The following PRKACB variants were observed in gnomAD, a reference collection of about 807,000 sequenced individuals.
The protein encoded by PRKACB is cAMP-dependent protein kinase catalytic subunit beta.
Under a neutral mutation model 51.4 loss-of-function variants are expected in PRKACB, and 16 were observed. That is an observed-to-expected ratio of 0.31 (90% confidence interval 0.21 to 0.47). The LOEUF (loss-of-function observed/expected upper bound fraction) is 0.47, where lower values mean the gene tolerates loss of function less well. Among genes scored for constraint, PRKACB ranks in the 20% least tolerant of loss-of-function variants. The pLI, the probability that PRKACB is intolerant of heterozygous loss-of-function variation, is 1.00. For missense variants in PRKACB, 309 were observed against 464.5 expected, an observed-to-expected ratio of 0.67 and a Z score of 3.08; for synonymous variants, 147 against 154.4, an observed-to-expected ratio of 0.95 and a Z score of 0.35.
At position 84,085,968 on chromosome 1, in the gene PRKACB, C is replaced by T. The variant is rs367634448; in HGVS notation, c.46+7597C>T. ...CTGACTTTCAAGACCAACAGTGAGA[C>T]GCCAGTGCTTGTGGATTTCCACGCA... On this transcript the variant is annotated intron_variant, in intron 1 of 8. Coordinates refer to the PRKACB transcript ENST00000370688. 1.7e-3 allele frequency: 1,208 copies of T among 704,748 alleles called. 22 individuals carry two copies. The South Asian group carries it at 0.019, about 11-fold the overall frequency. The allele number at this position is 704,748 out of a possible 1,614,324, so 43.7% of individuals were successfully genotyped here.
rs1675775662 is a variant in PRKACB at position 84,232,047 on chromosome 1, T to C, written c.1072-3133T>C. ...ATTTTGGATCTTTCCTGCTTTCTCT[T>C]GTGGGCATTTAGTGCCATAAATTTC... On this transcript the variant is annotated intron_variant, in intron 9 of 9. Transcript: ENST00000370685. 3.9e-5 allele frequency among the ~76,000 whole-genome samples: 6 copies of C among 152,226 alleles called. 1 individual carries two copies. The South Asian group carries it at 1.3e-3, about 32-fold the overall frequency.
chr1:84,133,280 C>T (rs1197864548), intron 1 of PRKACB, among the ~76,000 whole-genome samples: 3 of 152,036 alleles, frequency 2.0e-5, no homozygotes, highest in African/African-American at 4.8e-5. Flanking sequence ...AATTATATAT[C>T]TGTGAAATTA....
chr1:84,079,242 G>A (rs1647336202), intron 1 of PRKACB, among the ~76,000 whole-genome samples: 1 of 152,116 alleles, frequency 6.6e-6, no homozygotes, highest in African/African-American at 2.4e-5. Flanking sequence ...AAGTTGGTTT[G>A]CCTTTGTAAA....
chr1:84,168,895 T>A (rs1442122774), intron 1 of PRKACB, among the ~76,000 whole-genome samples: 1 of 151,492 alleles, frequency 6.6e-6, no homozygotes, highest in South Asian at 2.1e-4. Context: ...TTTCCTGACA[T>A]AGAAGGCATC....
intron 1 of PRKACB, chr1:84,164,788 T>G: frequency 7.2e-7 from 1 of 1,382,670 alleles, no homozygotes; most frequent in Non-Finnish European, 9.3e-7. Context: ...GGCATTAATC[T>G]GATGTTTACT....
intron 1 of PRKACB, among the ~76,000 whole-genome samples, chr1:84,169,887 A>G (rs1188938438): frequency 6.6e-6 from 1 of 151,658 alleles, no homozygotes; most frequent in Non-Finnish European, 1.5e-5. Context: ...GCATCTTACA[A>G]TCTAACATGA....
At chr1:84,086,795 AG>A (rs1208955479) in intron 1 of PRKACB, among the ~76,000 whole-genome samples, 5 of 152,142 alleles carry the variant, frequency 3.3e-5, no homozygotes, top group African/African-American at 4.8e-5. Flanking sequence ...GCCCCCTCCC[AG>A]CTAGCCTCCC....
At chr1:84,163,554 A>AG (rs1217612947) in intron 1 of PRKACB, among the ~76,000 whole-genome samples, 1 of 151,862 alleles carries the variant, frequency 6.6e-6, no homozygotes, top group Non-Finnish European at 1.5e-5. Context: ...GACCAGCCCT[A>AG]CCCTGGTAGA....
intron 1 of PRKACB, among the ~76,000 whole-genome samples, chr1:84,122,777 G>C (rs1039319643): frequency 6.6e-6 from 1 of 152,022 alleles, no homozygotes; most frequent in Non-Finnish European, 1.5e-5. Flanking sequence ...GAGGGAAAAT[G>C]GATATTAGTT....
chr1:84,120,969 C>G (rs1651017311), intron 1 of PRKACB, among the ~76,000 whole-genome samples: 1 of 151,992 alleles, frequency 6.6e-6, no homozygotes, highest in Non-Finnish European at 1.5e-5. Flanking sequence ...AAATCTTGAT[C>G]TTAGGTAATT....
chr1:84,147,903 G>C (rs1317877968), intron 1 of PRKACB, among the ~76,000 whole-genome samples: 1 of 152,092 alleles, frequency 6.6e-6, no homozygotes, highest in African/African-American at 2.4e-5. Context: ...GTACTACGCT[G>C]TATTAGTGGG....
chr1:84,108,464 CA>C, intron 1 of PRKACB, among the ~76,000 whole-genome samples: 1 of 152,088 alleles, frequency 6.6e-6, no homozygotes, highest in East Asian at 1.9e-4. Context: ...CCAACTTGCA[CA>C]TGTACCCCTG....
intron 8 of PRKACB, among the ~76,000 whole-genome samples, chr1:84,213,096 G>A (rs1572476947): frequency 6.6e-6 from 1 of 152,136 alleles, no homozygotes; most frequent in Non-Finnish European, 1.5e-5. Flanking sequence ...ACCCTTTAAA[G>A]TGTTTTCTAC....
intron 1 of PRKACB, among the ~76,000 whole-genome samples, chr1:84,128,801 A>C (rs185881783): frequency 6.6e-6 from 1 of 152,138 alleles, no homozygotes; most frequent in East Asian, 1.9e-4. Context: ...GTGTGTTCCT[A>C]TTGCCCAGTT....
intron 1 of PRKACB, among the ~76,000 whole-genome samples, chr1:84,120,824 A>C (rs1307939868): frequency 6.6e-6 from 1 of 152,022 alleles, no homozygotes; most frequent in Non-Finnish European, 1.5e-5. Flanking sequence ...TCAGTGAAAT[A>C]GGGTGGTGAT....
At chr1:84,212,121 T>C (rs559492947) in intron 8 of PRKACB, among the ~76,000 whole-genome samples, 340 of 152,310 alleles carry the variant, frequency 2.2e-3, no homozygotes, top group African/African-American at 7.9e-3. Context: ...GTTATGATCT[T>C]TTACTAGCAT....
intron 1 of PRKACB, among the ~76,000 whole-genome samples, chr1:84,149,293 C>T (rs532550697): frequency 2.6e-4 from 40 of 151,668 alleles, no homozygotes; most frequent in African/African-American, 8.9e-4. Flanking sequence ...AGAGTCTTAC[C>T]GTGTCACCCA....
intron 7 of PRKACB, among the ~76,000 whole-genome samples, chr1:84,199,059 GCGTATATATGCATATATGTATA>G (rs1669151499): frequency 2.0e-5 from 1 of 49,760 alleles, no homozygotes; most frequent in Non-Finnish European, 7.6e-5. Flanking sequence ...ATATATATAT[GCGTATATATGCATATATGTATA>G]TATATGCGTA....
chr1:84,192,670 C>G (rs1667138806), intron 5 of PRKACB, among the ~76,000 whole-genome samples: 1 of 152,032 alleles, frequency 6.6e-6, no homozygotes, highest in Admixed American at 6.6e-5. Context: ...TCTCTGAGTC[C>G]TGAAATTTTT....
Sources: gnomAD v4.1 joint callset for allele counts (sites outside exome capture counted in the v4.1 genomes callset) on GRCh38, gnomAD v4.1.1 for gene constraint, MANE v1.5 for transcripts, NCBI Gene and HGNC (gene_info 2026-07-23, HGNC 2026-07-21) for gene names.